The following RSU1 variants were observed in gnomAD, a reference collection of about 807,000 sequenced individuals.
The protein encoded by RSU1 is rsu-1.
Under a neutral mutation model 31.1 loss-of-function variants are expected in RSU1, and 26 were observed. The observed-to-expected ratio is 0.84, with a 90% confidence interval of 0.61 to 1.16. The LOEUF is 1.16. RSU1 is among the 50% of genes most tolerant of loss of function. The pLI, the probability that RSU1 is intolerant of heterozygous loss-of-function variation, is 0.00. For missense variants in RSU1, 320 were observed against 339.1 expected (o/e 0.94, Z 0.44); for synonymous variants, 164 against 136.3 (o/e 1.20, Z -1.41).
intron 3 of RSU1, 50 bp downstream of exon 3, chr10:16,781,984 T>C (rs760778158): frequency 8.0e-6 from 12 of 1,501,958 alleles, no homozygotes; most frequent in Non-Finnish European, 9.2e-6. Flanking sequence ...AGCAGTGCCA[T>C]AGGATTACCT....
At chr10:16,814,811 G>C (rs951853368) in intron 2 of RSU1, among the ~76,000 whole-genome samples, 1 of 142,378 alleles carries the variant, frequency 7.0e-6, no homozygotes, top group Non-Finnish European at 1.5e-5. Flanking sequence ...ATGTTATACC[G>C]GAAATATATT....
intron 8 of RSU1, among the ~76,000 whole-genome samples, chr10:16,595,549 C>T (rs776404533): frequency 2.6e-5 from 4 of 152,176 alleles, no homozygotes; most frequent in African/African-American, 4.8e-5. Context: ...AAGAAGTTTC[C>T]ATATGTCCTA....
chr10:16,782,939 C>G (rs1027813675), intron 2 of RSU1, among the ~76,000 whole-genome samples: 6 of 148,376 alleles, frequency 4.0e-5, no homozygotes, highest in African/African-American at 1.5e-4. Flanking sequence ...GAGACAGGGT[C>G]TCAATCTGTT....
chr10:16,632,449 C>T (rs907636429), intron 8 of RSU1, among the ~76,000 whole-genome samples: 2 of 152,058 alleles, frequency 1.3e-5, no homozygotes, highest in African/African-American at 2.4e-5. Context: ...TTACAAAACC[C>T]GAGAGACCTT....
At chr10:16,598,305 A>G (rs760800075) in intron 8 of RSU1, among the ~76,000 whole-genome samples, 36 of 152,128 alleles carry the variant, frequency 2.4e-4, no homozygotes, top group Non-Finnish European at 4.6e-4. Flanking sequence ...TCAGGAGGCC[A>G]AGGCGGGAGG....
chr10:16,667,757 C>T (rs1218636715), intron 8 of RSU1, among the ~76,000 whole-genome samples: 1 of 152,200 alleles, frequency 6.6e-6, no homozygotes, highest in East Asian at 1.9e-4. Flanking sequence ...CAAGGTGCTG[C>T]AATTACAGGC....
In RSU1 at chr10:16,665,180, G is replaced by C. The variant is rs530289410; in HGVS notation, c.731+29843C>G. ...GCTAGTCTCAAACTCCTCACCTCAGGTGATCCCACCTGCCTCAGCCTCCCA... is the reference window on the plus strand; with the variant it reads ...GCTAGTCTCAAACTCCTCACCTCAGCTGATCCCACCTGCCTCAGCCTCCCA... On this transcript the variant is annotated intron_variant, in intron 8 of 8. Transcript: ENST00000345264. Among the ~76,000 whole-genome samples the C allele has an allele frequency of 1.9e-4, 29 of 152,176 alleles. No homozygotes were observed. In the South Asian group the frequency reaches 5.6e-3, roughly 29 times the overall value.
intron 7 of RSU1, among the ~76,000 whole-genome samples, chr10:16,726,365 T>A (rs1836394377): frequency 6.6e-6 from 1 of 151,302 alleles, no homozygotes; most frequent in African/African-American, 2.4e-5. Context: ...CCTCCCAGGT[T>A]CAAGTGATTC....
intron 8 of RSU1, among the ~76,000 whole-genome samples, chr10:16,607,508 T>C (rs1481897927): frequency 1.3e-5 from 2 of 152,180 alleles, no homozygotes; most frequent in African/African-American, 4.8e-5. Context: ...GTGATTTGCA[T>C]TTCCCCAAAC....
chr10:16,795,367 A>T (rs980637584), intron 2 of RSU1, among the ~76,000 whole-genome samples: 7 of 151,680 alleles, frequency 4.6e-5, no homozygotes, highest in African/African-American at 1.5e-4. Flanking sequence ...AAAAAAAAAA[A>T]AAAAAAATTA....
intron 7 of RSU1, among the ~76,000 whole-genome samples, chr10:16,717,796 C>T (rs547442512): frequency 2.0e-5 from 3 of 152,130 alleles, no homozygotes; most frequent in Non-Finnish European, 2.9e-5. Flanking sequence ...GTCTATCCCG[C>T]CTCTCAAGGA....
At chr10:16,779,764 T>C (rs1212474122) in intron 3 of RSU1, among the ~76,000 whole-genome samples, 2 of 152,186 alleles carry the variant, frequency 1.3e-5, no homozygotes, top group African/African-American at 4.8e-5. Context: ...CACTTACACT[T>C]AATGCATATT....
intron 7 of RSU1, among the ~76,000 whole-genome samples, chr10:16,706,440 T>C (rs566402965): frequency 6.6e-6 from 1 of 152,334 alleles, no homozygotes; most frequent in Admixed American, 6.5e-5. Context: ...ATTTTTCAAC[T>C]GGGTTGTGTT....
intron 7 of RSU1, among the ~76,000 whole-genome samples, chr10:16,733,953 CCAAA>C (rs1199666374): frequency 6.6e-6 from 1 of 152,216 alleles, no homozygotes; most frequent in Non-Finnish European, 1.5e-5. Flanking sequence ...ACCAAAATGA[CCAAA>C]CAATGAACCT....
intron 7 of RSU1, among the ~76,000 whole-genome samples, chr10:16,696,369 A>C (rs1161077277): frequency 1.3e-5 from 2 of 152,248 alleles, no homozygotes; most frequent in African/African-American, 4.8e-5. Flanking sequence ...TTGGAAATGA[A>C]AGGATAAATG....
At chr10:16,718,531 T>C (rs1292359815) in intron 7 of RSU1, among the ~76,000 whole-genome samples, 1 of 152,136 alleles carries the variant, frequency 6.6e-6, no homozygotes, top group African/African-American at 2.4e-5. Context: ...TGTCCTCTAA[T>C]CTAATGGAGA....
Position 16,695,169 on chromosome 10 carries a change from A to G in RSU1, c.599-14T>C, listed in dbSNP as rs45505696. 0.011 allele frequency: 13,438 copies of G among 1,194,284 alleles called. 180 individuals carry two copies. The highest frequency in any genetic ancestry group is 0.026 in the South Asian group (1,771 of 69,138). The allele number at this position is 1,194,284 out of a possible 1,614,324, so 74.0% of individuals were successfully genotyped here. A position where few individuals can be genotyped will look rare whatever the true frequency, so the allele number is the denominator to read the frequency against. ...AATCCAAGTTTCCTGGGGGGGGGGA[A>G]AAAAAAAGTGAAGGTCACTTCATCC... On this transcript the variant is annotated splice_polypyrimidine_tract_variant and intron_variant, in intron 7 of 8. Transcript: ENST00000345264.
At position 16,776,491 on chromosome 10, in the gene RSU1, T is replaced by TAA. The variant is rs35979534; in HGVS notation, c.160+5541_160+5542dup. On this transcript the variant is annotated intron_variant, in intron 3 of 8. Transcript: ENST00000345264. ...GTAACTAATAGGAAATAGTGTATAT[T>TAA]AAAAAAAAAAAACCCACATTTTGCC... Among the ~76,000 whole-genome samples, 15 of 144,638 alleles carry TAA rather than the reference T, an allele frequency of 1.0e-4. No individual in the cohort carries two copies. The East Asian group carries it at 1.4e-3, about 13-fold the overall frequency. 94.9% of individuals were successfully genotyped at this position (144,638 alleles called of 152,430 possible).
intron 8 of RSU1, among the ~76,000 whole-genome samples, chr10:16,667,549 G>GCTAT (rs1835020098): frequency 6.6e-6 from 1 of 151,422 alleles, no homozygotes; most frequent in Non-Finnish European, 1.5e-5. Flanking sequence ...GTGCACTGGT[G>GCTAT]CTATCTTGGC....
Sources: allele counts gnomAD v4.1 joint callset (sites outside exome capture counted in the v4.1 genomes callset), GRCh38; gene constraint gnomAD v4.1.1; transcripts MANE v1.5; gene names NCBI Gene and HGNC (gene_info 2026-07-23, HGNC 2026-07-21).